The following SYNGR1 variants were observed in gnomAD, a reference collection of about 807,000 sequenced individuals.
The protein encoded by SYNGR1 is synaptogyrin 1.
A neutral mutation model predicts 26.1 loss-of-function variants in SYNGR1; 14 were observed. The observed-to-expected ratio is 0.54, with a 90% CI of 0.35 to 0.84. SYNGR1 has a LOEUF of 0.84. SYNGR1 is among the 40% of genes least tolerant of loss of function. The pLI is 0.01. For synonymous variants in SYNGR1, 141 were observed against 150.1 expected (o/e 0.94, Z 0.44); for missense variants, 319 against 332.9 (o/e 0.96, Z 0.33).
chr22:39,351,568 C>T (rs1923908924), intron 1 of SYNGR1, among the ~76,000 whole-genome samples: 1 of 152,266 alleles, frequency 6.6e-6, no homozygotes, highest in Non-Finnish European at 1.5e-5. Context: ...TGGGGGGCAC[C>T]TGCCGGATCA....
intron 1 of SYNGR1, among the ~76,000 whole-genome samples, chr22:39,358,051 C>T (rs1198829087): frequency 6.6e-6 from 1 of 152,276 alleles, no homozygotes; most frequent in Non-Finnish European, 1.5e-5. Flanking sequence ...TAGGTGAAGC[C>T]AGCTGGGCTC....
chr22:39,369,964 A>C (rs970857921), intron 1 of SYNGR1, among the ~76,000 whole-genome samples: 1 of 152,116 alleles, frequency 6.6e-6, no homozygotes, highest in Admixed American at 6.5e-5. Context: ...TTAATGTTGT[A>C]TAATTCAGTG....
intron 2 of SYNGR1, 24 bp downstream of exon 2, chr22:39,374,577 C>T: frequency 6.2e-7 from 1 of 1,610,478 alleles, no homozygotes; most frequent in Non-Finnish European, 8.5e-7. Context: ...AGCAGGTACC[C>T]CCTGCACAGA....
chr22:39,378,706 C>G (rs1036666778), intron 3 of SYNGR1, among the ~76,000 whole-genome samples: 3 of 152,250 alleles, frequency 2.0e-5, no homozygotes, highest in African/African-American at 7.2e-5. Context: ...CTGCTGCACG[C>G]TGGAGATGCT....
At chr22:39,354,588 C>G (rs943942644) in intron 1 of SYNGR1, among the ~76,000 whole-genome samples, 2 of 152,146 alleles carry the variant, frequency 1.3e-5, no homozygotes, top group African/African-American at 4.8e-5. Flanking sequence ...GCCTATAATC[C>G]CAGCACTTTG....
intron 1 of SYNGR1, among the ~76,000 whole-genome samples, chr22:39,367,841 A>C (rs1357468480): frequency 6.6e-6 from 1 of 151,456 alleles, no homozygotes; most frequent in East Asian, 1.9e-4. Flanking sequence ...AAAAAAAAAA[A>C]ACAAAGTCCC....
chr22:39,377,349 A>G (rs753491396), intron 3 of SYNGR1: 6 of 985,426 alleles, frequency 6.1e-6, no homozygotes, highest in Non-Finnish European at 6.0e-6. Flanking sequence ...AGTGTCCTCA[A>G]GACTGGGTAG....
At chr22:39,377,777 A>G (rs540249069) in intron 3 of SYNGR1, 1 of 1,555,932 alleles carries the variant, frequency 6.4e-7, no homozygotes, top group Non-Finnish European at 8.7e-7. Context: ...AATGTCCAAG[A>G]TGCCAGGGCA....
chr22:39,374,203 T>A, intron 1 of SYNGR1, 113 bp from the exon 2 acceptor site: 2 of 945,388 alleles, frequency 2.1e-6, no homozygotes, highest in Non-Finnish European at 3.4e-6. Context: ...TTAACCCGGG[T>A]CTTGTAGCTC....
At chr22:39,369,827 G>T (rs926860624) in intron 1 of SYNGR1, among the ~76,000 whole-genome samples, 1 of 152,206 alleles carries the variant, frequency 6.6e-6, no homozygotes, top group South Asian at 2.1e-4. Flanking sequence ...CCCAAATCAG[G>T]ACTGGCAAAT....
intron 1 of SYNGR1, among the ~76,000 whole-genome samples, chr22:39,359,123 A>G (rs2145610523): frequency 6.6e-6 from 1 of 152,304 alleles, no homozygotes; most frequent in South Asian, 2.1e-4. Context: ...CCTGCCCCAG[A>G]CCTTGCTTCC....
At chr22:39,365,087 A>T (rs1162099247) in intron 1 of SYNGR1, among the ~76,000 whole-genome samples, 1 of 151,894 alleles carries the variant, frequency 6.6e-6, no homozygotes, top group African/African-American at 2.4e-5. Flanking sequence ...ATCACCCTCC[A>T]TCCTCCCCTG....
Position 39,377,600 on chromosome 22 carries a change from C to T in SYNGR1, c.483+1403C>T, listed in dbSNP as rs1048078933. On this transcript the variant is annotated intron_variant, in intron 3 of 3. Coordinates refer to ENST00000328933, the MANE Select transcript of SYNGR1 (RefSeq NM_004711.5). ...TCACCCCTACTCTCTCCTGGCAGAG[C>T]CTGACCGCAGCCCTGGCCGTGCGGA... 6.2e-6 allele frequency: 10 copies of T among 1,613,682 alleles called. No individual in the cohort carries two copies. In the African/African-American group the frequency reaches 9.3e-5, roughly 15 times the overall value.
At chr22:39,367,363 TG>T (rs1187230882) in intron 1 of SYNGR1, among the ~76,000 whole-genome samples, 1 of 152,194 alleles carries the variant, frequency 6.6e-6, no homozygotes, top group Non-Finnish European at 1.5e-5. Flanking sequence ...TAGCTCAGCC[TG>T]TAGCAGGCGG....
At chr22:39,353,786 G>A (rs1924021387) in intron 1 of SYNGR1, among the ~76,000 whole-genome samples, 1 of 152,242 alleles carries the variant, frequency 6.6e-6, no homozygotes, top group Admixed American at 6.5e-5. Context: ...CTTTTATTTG[G>A]AGTTTATATT....
At chr22:39,363,601 A>AG (rs1924590892) in intron 1 of SYNGR1, among the ~76,000 whole-genome samples, 1 of 152,076 alleles carries the variant, frequency 6.6e-6, no homozygotes, top group Non-Finnish European at 1.5e-5. Context: ...TGGCCCAAGC[A>AG]GGGGGACCTC....
chr22:39,381,601 T>C (rs1925499362), intron 3 of SYNGR1, 95 bp from the exon 4 acceptor site: 1 of 1,298,086 alleles, frequency 7.7e-7, no homozygotes, highest in African/African-American at 1.5e-5. Flanking sequence ...GCCTGTGTCC[T>C]GTGAACTAAC....
intron 1 of SYNGR1, among the ~76,000 whole-genome samples, chr22:39,352,260 A>C (rs1213634354): frequency 6.6e-6 from 1 of 152,200 alleles, no homozygotes; most frequent in African/African-American, 2.4e-5. Context: ...CTGCTCACAC[A>C]CGTGGATACA....
intron 3 of SYNGR1, among the ~76,000 whole-genome samples, chr22:39,379,089 C>T (rs1229554330): frequency 6.6e-6 from 1 of 152,178 alleles, no homozygotes; most frequent in African/African-American, 2.4e-5. Flanking sequence ...TTCCTGTGGG[C>T]TGGCCAGGGC....
Sources: allele counts gnomAD v4.1 joint callset (sites outside exome capture counted in the v4.1 genomes callset), GRCh38; gene constraint gnomAD v4.1.1; transcripts MANE v1.5; gene names NCBI Gene and HGNC (gene_info 2026-07-23, HGNC 2026-07-21).